Variants in SYN3 observed in about 807,000 individuals in gnomAD.
SYN3 encodes the protein synapsin-3.
Under a neutral mutation model 65.8 loss-of-function variants are expected in SYN3, and 35 were observed. The ratio of observed to expected loss-of-function variants is 0.53; its 90% CI spans 0.41 to 0.70. The LOEUF is 0.70. Among genes scored for constraint, SYN3 ranks in the 30% least tolerant of loss-of-function variants. The probability of loss-of-function intolerance (pLI) is 0.00; values close to 1 mark genes in which losing one functional copy is unlikely to be tolerated. For missense variants in SYN3, 680 were observed against 749.0 expected (o/e 0.91, Z 1.08); for synonymous variants, 270 against 292.9 (o/e 0.92, Z 0.80).
chr22:32,981,102 A>C (rs1601834423), intron 2 of SYN3, among the ~76,000 whole-genome samples: 1 of 147,720 alleles, frequency 6.8e-6, no homozygotes, highest in African/African-American at 2.5e-5. Flanking sequence ...CAATCCACCC[A>C]CCTCGCCCTC....
At chr22:32,528,647 C>T (rs538261803) in intron 11 of SYN3, among the ~76,000 whole-genome samples, 24 of 152,318 alleles carry the variant, frequency 1.6e-4, no homozygotes, top group African/African-American at 5.3e-4. Context: ...TTGTTCTCCC[C>T]AGGATGGTGA....
At chr22:32,986,487 C>T (rs2052531130) in intron 2 of SYN3, among the ~76,000 whole-genome samples, 1 of 152,190 alleles carries the variant, frequency 6.6e-6, no homozygotes, top group African/African-American at 2.4e-5. Context: ...GTCCATCCCC[C>T]CGCCTGGCTG....
At chr22:33,034,995 T>C (rs1053522836) in intron 1 of SYN3, among the ~76,000 whole-genome samples, 3 of 152,198 alleles carry the variant, frequency 2.0e-5, no homozygotes, top group Non-Finnish European at 4.4e-5. Context: ...GGGAGCCCAA[T>C]CTGGTCACTG....
At chr22:32,666,638 C>G (rs1426825810) in intron 6 of SYN3, among the ~76,000 whole-genome samples, 1 of 152,140 alleles carries the variant, frequency 6.6e-6, no homozygotes, top group African/African-American at 2.4e-5. Flanking sequence ...AACACGGTGG[C>G]CCCTTCTGCT....
chr22:32,676,528 C>CTTTTTTTTTTTTTTTTTTTTT (rs879196572), intron 6 of SYN3, among the ~76,000 whole-genome samples: 2 of 88,932 alleles, frequency 2.2e-5, no homozygotes, highest in African/African-American at 1.0e-4. Flanking sequence ...TCTTTTCTTT[C>CTTTTTTTTTTTTTTTTTTTTT]TTTTTTTTTT....
chr22:32,847,357 A>G (rs1177603257), intron 6 of SYN3, among the ~76,000 whole-genome samples: 1 of 152,032 alleles, frequency 6.6e-6, no homozygotes, highest in Non-Finnish European at 1.5e-5. Context: ...GATCTTGCCA[A>G]CCTCTCGTTT....
At chr22:32,974,984 C>A (rs2052139462) in intron 3 of SYN3, among the ~76,000 whole-genome samples, 1 of 152,124 alleles carries the variant, frequency 6.6e-6, no homozygotes, top group African/African-American at 2.4e-5. Flanking sequence ...TCTGGAGCCA[C>A]GATCTTAACC....
At chr22:32,588,276 G>GC (rs2059079323) in intron 7 of SYN3, among the ~76,000 whole-genome samples, 2 of 152,138 alleles carry the variant, frequency 1.3e-5, no homozygotes, top group South Asian at 4.1e-4. Flanking sequence ...TCTCTGGGCC[G>GC]CAAGTTCTTA....
intron 6 of SYN3, among the ~76,000 whole-genome samples, chr22:32,713,700 G>A (rs1376134335): frequency 6.6e-6 from 1 of 151,980 alleles, no homozygotes; most frequent in African/African-American, 2.4e-5. Flanking sequence ...GCATGGTGGT[G>A]GGCGCCTGTA....
At chr22:32,907,817 A>G (rs1447282108) in intron 4 of SYN3, among the ~76,000 whole-genome samples, 1 of 152,190 alleles carries the variant, frequency 6.6e-6, no homozygotes, top group Admixed American at 6.5e-5. Flanking sequence ...TGATATCATT[A>G]CAGGGTAACA....
intron 12 of SYN3, among the ~76,000 whole-genome samples, chr22:32,521,433 C>T (rs967877894): frequency 6.9e-6 from 1 of 144,356 alleles, no homozygotes; most frequent in Admixed American, 7.6e-5. Flanking sequence ...GTTTAAGCAA[C>T]ACCTCTTGAT....
intron 4 of SYN3, among the ~76,000 whole-genome samples, chr22:32,882,978 C>G (rs1027100411): frequency 2.0e-5 from 3 of 152,150 alleles, no homozygotes; most frequent in African/African-American, 4.8e-5. Context: ...GTGTCACATC[C>G]TAGCAGTTGA....
At chr22:32,627,440 C>G (rs73881771) in intron 6 of SYN3, among the ~76,000 whole-genome samples, 1 of 152,138 alleles carries the variant, frequency 6.6e-6, no homozygotes, top group East Asian at 1.9e-4. Context: ...GACGCACACT[C>G]ACGGCAGGTC....
chr22:32,802,132 C>A, intron 6 of SYN3: 2 of 1,577,316 alleles, frequency 1.3e-6, no homozygotes, highest in South Asian at 1.1e-5. Flanking sequence ...GGTAAGCGCT[C>A]CTGGTGCCCC....
intron 6 of SYN3, chr22:32,857,197 A>C: frequency 7.3e-7 from 1 of 1,368,788 alleles, no homozygotes; most frequent in Non-Finnish European, 1.0e-6. Flanking sequence ...TAGGGATCAT[A>C]CGGGTGTCCA....
Position 32,903,051 on chromosome 22 carries a change from G to A in SYN3, c.461+28339C>T, listed in dbSNP as rs569459160. On this transcript the variant is annotated intron_variant, in intron 4 of 13. Transcript: ENST00000358763. Reference sequence around the variant, plus strand: ...AAAAACACGCTCTCTACTGTTTTTCGAGTACAGAGAAATGATAATTGATGC... The same window carrying A: ...AAAAACACGCTCTCTACTGTTTTTCAAGTACAGAGAAATGATAATTGATGC... Among the ~76,000 whole-genome samples the A allele has an allele frequency of 2.0e-5, 3 of 152,158 alleles. No homozygotes were observed. The East Asian group carries it at 5.8e-4, about 29-fold the overall frequency.
intron 4 of SYN3, among the ~76,000 whole-genome samples, chr22:32,880,883 C>T (rs1490718155): frequency 6.6e-6 from 1 of 152,238 alleles, no homozygotes; most frequent in Admixed American, 6.5e-5. Context: ...CAGCACCCAG[C>T]ATGGCAATTG....
At chr22:32,580,532 G>A (rs911843281) in intron 7 of SYN3, among the ~76,000 whole-genome samples, 5 of 152,116 alleles carry the variant, frequency 3.3e-5, no homozygotes, top group African/African-American at 9.7e-5. Flanking sequence ...CCCAGTAAAT[G>A]TAGGGTTTGG....
chr22:32,671,651 GCA>G (rs35884832), intron 6 of SYN3, among the ~76,000 whole-genome samples: 1 of 148,650 alleles, frequency 6.7e-6, no homozygotes, highest in Non-Finnish European at 1.5e-5. Flanking sequence ...TCACACAGAT[GCA>G]CACACGCTGT....
Sources: allele counts gnomAD v4.1 joint callset (sites outside exome capture counted in the v4.1 genomes callset), GRCh38; gene constraint gnomAD v4.1.1; transcripts MANE v1.5; gene names NCBI Gene and HGNC (gene_info 2026-07-23, HGNC 2026-07-21).